RARS2: variants seen among roughly 807,000 people sequenced by gnomAD.
The protein encoded by RARS2 is probable arginine--tRNA ligase, mitochondrial.
Under a neutral mutation model 88.5 loss-of-function variants are expected in RARS2, and 67 were observed. The observed-to-expected ratio is 0.76, with a 90% CI of 0.62 to 0.93. The LOEUF (loss-of-function observed/expected upper bound fraction) is 0.93. Ranked by LOEUF, RARS2 falls within the 40% of genes least tolerant of loss-of-function variation. The probability of loss-of-function intolerance (pLI) is 0.00; values close to 1 mark genes in which losing one functional copy is unlikely to be tolerated. For missense variants in RARS2, 664 were observed against 684.2 expected, an observed-to-expected ratio of 0.97 and a Z score of 0.33; for synonymous variants, 239 against 230.3, an observed-to-expected ratio of 1.04 and a Z score of -0.34.
At chr6:87,545,520 C>T in intron 7 of RARS2, 96 bp downstream of exon 7, 1 of 1,490,148 alleles carries the variant, frequency 6.7e-7, no homozygotes, top group East Asian at 2.4e-5. Context: ...CATACTACTT[C>T]ATCCAATGGG....
intron 1 of RARS2, among the ~76,000 whole-genome samples, chr6:87,578,113 C>G (rs147573276): frequency 6.7e-6 from 1 of 148,692 alleles, no homozygotes; most frequent in Non-Finnish European, 1.5e-5. Context: ...CGAGACCCCC[C>G]CCCCCGCCAT....
At chr6:87,525,774 T>C (rs1239782354) in intron 10 of RARS2, among the ~76,000 whole-genome samples, 2 of 152,152 alleles carry the variant, frequency 1.3e-5, no homozygotes, top group Non-Finnish European at 2.9e-5. Flanking sequence ...CTCGAACTCC[T>C]GACCTCATGT....
chr6:87,566,217 G>A (rs888579437), intron 2 of RARS2, among the ~76,000 whole-genome samples: 2 of 152,150 alleles, frequency 1.3e-5, no homozygotes, highest in African/African-American at 4.8e-5. Context: ...TTACAATATT[G>A]CTAAAAGCGA....
intron 2 of RARS2, among the ~76,000 whole-genome samples, chr6:87,565,478 C>A (rs1256524643): frequency 6.6e-6 from 1 of 152,150 alleles, no homozygotes; most frequent in Non-Finnish European, 1.5e-5. Context: ...TCTAGGGAAG[C>A]AGGGTAGGGA....
intron 8 of RARS2, among the ~76,000 whole-genome samples, chr6:87,541,389 C>T (rs1228982015): frequency 6.6e-6 from 1 of 152,164 alleles, no homozygotes; most frequent in Non-Finnish European, 1.5e-5. Flanking sequence ...GTTGCCCAAA[C>T]TGGTCTTGAA....
chr6:87,556,809 A>AAAT (rs1554204344), intron 4 of RARS2, among the ~76,000 whole-genome samples: 326 of 131,634 alleles, frequency 2.5e-3, no homozygotes, highest in African/African-American at 4.5e-3. Flanking sequence ...AAAAAAAAAA[A>AAAT]TTTTTTTTTT....
chr6:87,574,370 G>C (rs1378483248), intron 1 of RARS2, among the ~76,000 whole-genome samples: 1 of 152,186 alleles, frequency 6.6e-6, no homozygotes, highest in Non-Finnish European at 1.5e-5. Context: ...AGAGACAAAA[G>C]AGGAATGGAA....
intron 1 of RARS2, among the ~76,000 whole-genome samples, chr6:87,587,212 A>T (rs1289732457): frequency 6.6e-6 from 1 of 152,200 alleles, no homozygotes; most frequent in African/African-American, 2.4e-5. Context: ...GAATTCTCCA[A>T]TGAACATTTC....
At chr6:87,524,735 A>G (rs1775107553) in intron 10 of RARS2, 83 bp from the exon 11 acceptor site, 1 of 1,037,700 alleles carries the variant, frequency 9.6e-7, no homozygotes, top group Non-Finnish European at 1.5e-6. Context: ...TTAGCAAACC[A>G]GAAGCTATTT....
At chr6:87,572,097 GAA>G (rs11327593) in intron 1 of RARS2, among the ~76,000 whole-genome samples, 4,993 of 142,922 alleles carry the variant, frequency 0.035, 107 homozygotes, top group Middle Eastern at 0.056. Context: ...TAATTTCTCA[GAA>G]AAAAAAAAAA....
In RARS2 at chr6:87,525,990, A is replaced by G. The variant is rs546708280; in HGVS notation, c.879-1338T>C. Among the ~76,000 whole-genome samples the G allele has an allele frequency of 4.6e-5, 7 of 152,370 alleles. No individual in the cohort carries two copies. The South Asian group carries it at 1.0e-3, about 23-fold the overall frequency. ...AAAATATCTGTACACTGAAAACTAT[A>G]TAACACTGATGAAAGAAATCAAAAC... On this transcript the variant is annotated intron_variant, in intron 10 of 19. Coordinates refer to ENST00000369536, the MANE Select transcript of RARS2 (RefSeq NM_020320.5).
At chr6:87,534,122 T>C (rs143818877) in intron 8 of RARS2, among the ~76,000 whole-genome samples, 4 of 152,346 alleles carry the variant, frequency 2.6e-5, no homozygotes, top group African/African-American at 9.6e-5. Context: ...CAGAAATTTC[T>C]TAGCTGCTAG....
chr6:87,550,896 A>G (rs1784128296), intron 5 of RARS2, among the ~76,000 whole-genome samples: 1 of 151,982 alleles, frequency 6.6e-6, no homozygotes, highest in Non-Finnish European at 1.5e-5. Flanking sequence ...AGGGTGAATA[A>G]AACACTGATA....
chr6:87,516,986 G>A, intron 17 of RARS2, 106 bp from the exon 18 acceptor site: 2 of 1,521,666 alleles, frequency 1.3e-6, no homozygotes, highest in South Asian at 1.2e-5. Context: ...ACGATTAAGA[G>A]TAGAAGGTAT....
At chr6:87,518,470 A>G (rs1311049631) in intron 16 of RARS2, 160 bp downstream of exon 16, 3 of 1,355,728 alleles carry the variant, frequency 2.2e-6, no homozygotes, top group Non-Finnish European at 9.9e-7. Context: ...ATAGGTGCTC[A>G]ATAAATTTTT....
At chr6:87,527,427 A>G (rs1776118109) in intron 10 of RARS2, among the ~76,000 whole-genome samples, 1 of 152,236 alleles carries the variant, frequency 6.6e-6, no homozygotes, top group South Asian at 2.1e-4. Context: ...GTCAATTCAA[A>G]GTGGATTAAA....
chr6:87,555,592 G>A (rs1785620584), intron 4 of RARS2, 87 bp from the exon 5 acceptor site: 1 of 1,049,974 alleles, frequency 9.5e-7, no homozygotes, highest in Admixed American at 1.9e-5. Flanking sequence ...TTGCCAATTT[G>A]TTCACTCTAA....
At chr6:87,586,994 C>T (rs973219171) in intron 1 of RARS2, among the ~76,000 whole-genome samples, 1 of 152,106 alleles carries the variant, frequency 6.6e-6, no homozygotes, top group African/African-American at 2.4e-5. Flanking sequence ...TTGCAACCTC[C>T]ACCTCTCAGG....
intron 10 of RARS2, among the ~76,000 whole-genome samples, chr6:87,525,540 CCTTT>C (rs1775371916): frequency 6.6e-6 from 1 of 150,946 alleles, no homozygotes; most frequent in Non-Finnish European, 1.5e-5. Context: ...AAATCAGTAG[CCTTT>C]TTTTCTTTTT....
Sources: gnomAD v4.1 joint callset for allele counts (sites outside exome capture counted in the v4.1 genomes callset) on GRCh38, gnomAD v4.1.1 for gene constraint, MANE v1.5 for transcripts, NCBI Gene and HGNC (gene_info 2026-07-23, HGNC 2026-07-21) for gene names.